CDH12: variants seen among roughly 807,000 people sequenced by gnomAD.
The protein encoded by CDH12 is cadherin 12.
CDH12 carries 41 observed loss-of-function variants against 74.1 expected under a neutral mutation model. The ratio of observed to expected loss-of-function variants is 0.55; its 90% confidence interval spans 0.43 to 0.72. The LOEUF is 0.72. Among genes scored for constraint, CDH12 ranks in the 30% least tolerant of loss-of-function variants. The probability of loss-of-function intolerance (pLI) is 0.00; values close to 1 mark genes in which losing one functional copy is unlikely to be tolerated. For synonymous variants in CDH12, 399 were observed against 355.0 expected, an observed-to-expected ratio of 1.12 and a Z score of -1.39; for missense variants, 945 against 977.2, an observed-to-expected ratio of 0.97 and a Z score of 0.44.
intron 5 of CDH12, among the ~76,000 whole-genome samples, chr5:22,073,562 ATAAAGT>A (rs1240197185): frequency 6.6e-6 from 1 of 152,172 alleles, no homozygotes; most frequent in Non-Finnish European, 1.5e-5. Flanking sequence ...ATTTTTGCAG[ATAAAGT>A]TAATTTATTT....
At chr5:22,200,299 A>G (rs1384849405) in intron 4 of CDH12, among the ~76,000 whole-genome samples, 11 of 152,182 alleles carry the variant, frequency 7.2e-5, no homozygotes, top group Non-Finnish European at 1.6e-4. Context: ...CTGAAGATCA[A>G]AAAGCCGGAG....
chr5:22,026,321 TG>T (rs1273135757), intron 5 of CDH12, among the ~76,000 whole-genome samples: 1 of 152,182 alleles, frequency 6.6e-6, no homozygotes, highest in Admixed American at 6.6e-5. Flanking sequence ...GCAGACACCC[TG>T]CTTTAGGTAC....
At chr5:22,042,103 A>T (rs188019678) in intron 5 of CDH12, among the ~76,000 whole-genome samples, 1 of 152,306 alleles carries the variant, frequency 6.6e-6, no homozygotes, top group East Asian at 1.9e-4. Context: ...ATTTCAAGAG[A>T]CAAATGAAAA....
intron 6 of CDH12, among the ~76,000 whole-genome samples, chr5:21,967,669 C>T (rs1252161427): frequency 6.6e-6 from 1 of 152,190 alleles, no homozygotes; most frequent in Admixed American, 6.6e-5. Flanking sequence ...TGTGCTGCTA[C>T]TAACACAATT....
chr5:22,078,403 C>A (rs779589674), intron 5 of CDH12, 43 bp downstream of exon 5: 3 of 1,552,954 alleles, frequency 1.9e-6, no homozygotes. Context: ...AATGCATATT[C>A]CCCCTTCCTA....
chr5:22,637,869 T>C (rs1163835256), intron 1 of CDH12, among the ~76,000 whole-genome samples: 3 of 152,202 alleles, frequency 2.0e-5, no homozygotes, highest in Non-Finnish European at 4.4e-5. Flanking sequence ...ATAGTACAAC[T>C]TCTTCAGCTT....
intron 9 of CDH12, among the ~76,000 whole-genome samples, chr5:21,808,824 A>G (rs2149933469): frequency 6.6e-6 from 1 of 152,234 alleles, no homozygotes; most frequent in South Asian, 2.1e-4. Flanking sequence ...TATATAAAAA[A>G]GCTGTATTTG....
At chr5:22,796,445 C>T (rs902537824) in intron 1 of CDH12, among the ~76,000 whole-genome samples, 2 of 149,750 alleles carry the variant, frequency 1.3e-5, no homozygotes, top group African/African-American at 2.4e-5. Flanking sequence ...GGATGCTGAA[C>T]ATTTTTTTCA....
intron 6 of CDH12, among the ~76,000 whole-genome samples, chr5:21,894,849 C>T (rs76065722): frequency 1.5e-3 from 226 of 152,044 alleles, no homozygotes; most frequent in African/African-American, 5.3e-3. Context: ...CTCTGGATAC[C>T]TTGTGACTGC....
At chr5:22,321,790 G>C (rs1446621963) in intron 3 of CDH12, among the ~76,000 whole-genome samples, 1 of 151,784 alleles carries the variant, frequency 6.6e-6, no homozygotes, top group Admixed American at 6.6e-5. Context: ...CTTTTATTCA[G>C]ATACCCCTCC....
intron 1 of CDH12, among the ~76,000 whole-genome samples, chr5:22,609,905 T>C (rs1737310138): frequency 6.6e-6 from 1 of 152,238 alleles, no homozygotes. Context: ...TGCTAGTGTA[T>C]AAGCTGATTT....
intron 4 of CDH12, among the ~76,000 whole-genome samples, chr5:22,150,923 C>G (rs1022751101): frequency 7.2e-5 from 11 of 152,344 alleles, no homozygotes; most frequent in African/African-American, 2.4e-4. Flanking sequence ...GCTCCCTCCA[C>G]AAGGCACTAT....
chr5:22,293,590 GAATA>G (rs1290522507), intron 3 of CDH12, among the ~76,000 whole-genome samples: 6 of 151,840 alleles, frequency 4.0e-5, no homozygotes, highest in African/African-American at 9.7e-5. Context: ...ATGGATGAAT[GAATA>G]AAGAAAATGT....
At chr5:22,462,074 TATGA>T (rs1745547497) in intron 2 of CDH12, among the ~76,000 whole-genome samples, 1 of 152,152 alleles carries the variant, frequency 6.6e-6, no homozygotes. Context: ...AATGATAATT[TATGA>T]ATCTTAGAGG....
intron 1 of CDH12, among the ~76,000 whole-genome samples, chr5:22,628,411 A>G (rs1738410324): frequency 1.3e-5 from 2 of 152,156 alleles, no homozygotes; most frequent in Non-Finnish European, 2.9e-5. Context: ...TTTGTACCAC[A>G]TGCAATAAAA....
At chr5:22,068,027 C>A (rs576550456) in intron 5 of CDH12, among the ~76,000 whole-genome samples, 25 of 151,918 alleles carry the variant, frequency 1.6e-4, no homozygotes, top group African/African-American at 5.8e-4. Flanking sequence ...CAGCAAAAAC[C>A]TGCTACCAGA....
At position 22,769,760 on chromosome 5, in the gene CDH12, G is replaced by A. The variant is rs550721127; in HGVS notation, c.-523+83298C>T. Reference sequence around the variant, plus strand: ...TGGATATAATGGGGGAGTGGGGTGGGTAACCAAAACAATACAAATAGTATT... The same window carrying A: ...TGGATATAATGGGGGAGTGGGGTGGATAACCAAAACAATACAAATAGTATT... On this transcript the variant is annotated intron_variant, in intron 1 of 14. Transcript: ENST00000382254. Among the ~76,000 whole-genome samples the A allele has an allele frequency of 3.3e-5, 5 of 151,770 alleles. 1 individual carries two copies. The South Asian group carries it at 1.1e-3, about 32-fold the overall frequency.
intron 4 of CDH12, among the ~76,000 whole-genome samples, chr5:22,101,193 C>A (rs753235003): frequency 1.3e-5 from 2 of 151,634 alleles, no homozygotes; most frequent in Non-Finnish European, 2.9e-5. Context: ...TATCTAGGAA[C>A]AATTTTAGAC....
chr5:22,133,294 G>C (rs1185193282), intron 4 of CDH12, among the ~76,000 whole-genome samples: 1 of 152,072 alleles, frequency 6.6e-6, no homozygotes, highest in Non-Finnish European at 1.5e-5. Context: ...AACTTGGCAA[G>C]TTTGTCTTTC....
Sources: gnomAD v4.1 joint callset for allele counts (sites outside exome capture counted in the v4.1 genomes callset) on GRCh38, gnomAD v4.1.1 for gene constraint, MANE v1.5 for transcripts, NCBI Gene and HGNC (gene_info 2026-07-23, HGNC 2026-07-21) for gene names.